The following CAST variants were observed in gnomAD, a reference collection of about 807,000 sequenced individuals.
CAST encodes MIR583 host.
A neutral mutation model predicts 119.6 loss-of-function variants in CAST; 76 were observed. The ratio of observed to expected loss-of-function variants is 0.64; its 90% confidence interval spans 0.53 to 0.77. CAST has a LOEUF of 0.77. CAST is among the 30% of genes least tolerant of loss of function. CAST has a pLI of 0.00. For synonymous variants in CAST, 319 were observed against 331.6 expected (o/e 0.96, Z 0.41); for missense variants, 953 against 946.5 (o/e 1.01, Z -0.09).
the CAST span, among the ~76,000 whole-genome samples, chr5:96,397,025 T>A: frequency 6.6e-6 from 1 of 152,234 alleles, no homozygotes; most frequent in South Asian, 2.1e-4. Context: ...TGATTGATTT[T>A]GTTGGCTGAA....
At chr5:96,297,208 T>G in the CAST span, among the ~76,000 whole-genome samples, 1 of 152,162 alleles carries the variant, frequency 6.6e-6, no homozygotes, top group Non-Finnish European at 1.5e-5. Flanking sequence ...GCTGGAAAGT[T>G]TTGAGCAGGG....
the CAST span, among the ~76,000 whole-genome samples, chr5:96,469,889 T>TATAATATATATATATAC: frequency 6.9e-6 from 1 of 145,172 alleles, no homozygotes; most frequent in African/African-American, 2.5e-5. Flanking sequence ...AATATATATA[T>TATAATATATATATATAC]ACACACACAT....
At chr5:96,408,322 G>A in the CAST span, 46 of 1,612,294 alleles carry the variant, frequency 2.9e-5, no homozygotes, top group South Asian at 3.7e-4. Flanking sequence ...GTCAGCGCTC[G>A]TCTGGATGAC....
the CAST span, among the ~76,000 whole-genome samples, chr5:96,321,058 G>A: frequency 6.6e-6 from 1 of 152,160 alleles, no homozygotes; most frequent in Non-Finnish European, 1.5e-5. Flanking sequence ...GGCACAGCCT[G>A]GTAAAGGTGA....
intron 1 of CAST, among the ~76,000 whole-genome samples, chr5:96,579,102 A>G (rs1375032298): frequency 6.6e-6 from 1 of 152,140 alleles, no homozygotes; most frequent in Non-Finnish European, 1.5e-5. Context: ...GGGGGAAACC[A>G]TTTGTGTGGC....
At chr5:96,488,831 T>G in the CAST span, among the ~76,000 whole-genome samples, 1 of 152,210 alleles carries the variant, frequency 6.6e-6, no homozygotes, top group Non-Finnish European at 1.5e-5. Context: ...AAATTAAAAA[T>G]GCTCATTTGG....
chr5:96,151,520 A>G, the CAST span, among the ~76,000 whole-genome samples: 1 of 152,140 alleles, frequency 6.6e-6, no homozygotes, highest in Non-Finnish European at 1.5e-5. Flanking sequence ...CTCTTAAAGG[A>G]TAGTGCAGAG....
At chr5:95,992,147 C>T in the CAST span, among the ~76,000 whole-genome samples, 26 of 151,970 alleles carry the variant, frequency 1.7e-4, no homozygotes, top group East Asian at 1.9e-4. Context: ...TGGATCTTGA[C>T]GAGAAATCCA....
the CAST span, among the ~76,000 whole-genome samples, chr5:96,429,852 A>G: frequency 6.6e-6 from 1 of 152,194 alleles, no homozygotes; most frequent in African/African-American, 2.4e-5. Flanking sequence ...ATTAGCTCAC[A>G]GTAGGAGGCT....
intron 1 of CAST, among the ~76,000 whole-genome samples, chr5:96,633,524 C>T (rs1173068947): frequency 6.6e-6 from 1 of 152,172 alleles, no homozygotes; most frequent in East Asian, 1.9e-4. Flanking sequence ...TATCTTCTCT[C>T]AGGTAAAACC....
At chr5:96,605,018 C>G (rs1167962846) in intron 1 of CAST, among the ~76,000 whole-genome samples, 1 of 151,828 alleles carries the variant, frequency 6.6e-6, no homozygotes, top group East Asian at 1.9e-4. Flanking sequence ...CATAGAGAAC[C>G]AACAACACCC....
the CAST span, among the ~76,000 whole-genome samples, chr5:96,100,302 G>T: frequency 6.6e-6 from 1 of 152,188 alleles, no homozygotes; most frequent in Non-Finnish European, 1.5e-5. Context: ...TGAGTGCTGT[G>T]TGACTCTGTT....
chr5:96,185,269 T>A, the CAST span, among the ~76,000 whole-genome samples: 2 of 151,396 alleles, frequency 1.3e-5, no homozygotes, highest in Non-Finnish European at 2.9e-5. Context: ...GATGAATACA[T>A]TGTAAAAATT....
At chr5:96,605,248 C>T (rs1747231839) in intron 1 of CAST, among the ~76,000 whole-genome samples, 2 of 152,202 alleles carry the variant, frequency 1.3e-5, no homozygotes, top group African/African-American at 4.8e-5. Context: ...CCCTCCCCAT[C>T]ACTTTATTTC....
At chr5:96,272,559 T>G in the CAST span, among the ~76,000 whole-genome samples, 1 of 152,050 alleles carries the variant, frequency 6.6e-6, no homozygotes, top group African/African-American at 2.4e-5. Context: ...GTGGATCTCA[T>G]GAAGACAGAG....
chr5:96,381,029 C>T, the CAST span, among the ~76,000 whole-genome samples: 1 of 152,132 alleles, frequency 6.6e-6, no homozygotes, highest in African/African-American at 2.4e-5. Context: ...CAACTATGTT[C>T]CTTCCTTTTT....
the CAST span, among the ~76,000 whole-genome samples, chr5:95,970,493 T>C: frequency 6.6e-6 from 1 of 152,202 alleles, no homozygotes; most frequent in Non-Finnish European, 1.5e-5. Context: ...AGCCACATAT[T>C]GAATAAAGTT....
intron 1 of CAST, among the ~76,000 whole-genome samples, chr5:96,647,708 G>A (rs191120442): frequency 2.4e-3 from 371 of 152,244 alleles, no homozygotes; most frequent in Admixed American, 4.5e-3. Context: ...GGAGAACACC[G>A]TGTGAGAGTG....
At chr5:96,293,694 A>G in the CAST span, among the ~76,000 whole-genome samples, 1 of 152,182 alleles carries the variant, frequency 6.6e-6, no homozygotes, top group African/African-American at 2.4e-5. Context: ...GAATATGTGT[A>G]TTGTTTATAA....
Sources: allele counts gnomAD v4.1 joint callset (sites outside exome capture counted in the v4.1 genomes callset), GRCh38; gene constraint gnomAD v4.1.1; transcripts MANE v1.5; gene names NCBI Gene and HGNC (gene_info 2026-07-23, HGNC 2026-07-21).